Variants in OSBPL3 observed in about 807,000 individuals in gnomAD.
The protein encoded by OSBPL3 is oxysterol binding protein like 3.
OSBPL3 carries 65 observed loss-of-function variants against 120.1 expected under a neutral mutation model. The observed-to-expected ratio is 0.54, with a 90% CI of 0.44 to 0.67. The LOEUF (loss-of-function observed/expected upper bound fraction) is 0.67, where lower values mean the gene tolerates loss of function less well. Ranked by LOEUF, OSBPL3 falls within the 30% of genes least tolerant of loss-of-function variation. The pLI is 0.00. For missense variants in OSBPL3, 1,004 were observed against 1,082.1 expected, an observed-to-expected ratio of 0.93 and a Z score of 1.01; for synonymous variants, 416 against 402.6, an observed-to-expected ratio of 1.03 and a Z score of -0.40.
chr7:24,816,033 A>T (rs968578034), intron 18 of OSBPL3, among the ~76,000 whole-genome samples: 2 of 152,116 alleles, frequency 1.3e-5, no homozygotes, highest in African/African-American at 2.4e-5. Flanking sequence ...CACTTTTTTT[A>T]AAAAAATTGA....
Position 24,936,055 on chromosome 7 carries a change from T to TA in OSBPL3, c.-149-43435dup, listed in dbSNP as rs533658932. On this transcript the variant is annotated intron_variant, in intron 1 of 22. Transcript: ENST00000313367. This position sits in a 1 kb window ranked among gnomAD's most constrained non-coding sequence, Gnocchi z 4.2. ...CCCCTCCCCAGGAATCTTTTTTTTT[T>TA]ATCACCATTTAATTCATTCTTAAGA... Among the ~76,000 whole-genome samples, 105 of 146,072 alleles carry TA rather than the reference T, an allele frequency of 7.2e-4. No homozygotes were observed. The highest frequency in any genetic ancestry group is 1.9e-3 in the Admixed American group (27 of 14,498).
chr7:24,816,032 T>TA lies in OSBPL3; in HGVS notation c.2027+577dup, dbSNP rs1410436365. Among the ~76,000 whole-genome samples the TA allele has an allele frequency of 1.5e-4, 23 of 152,054 alleles. No individual in the cohort carries two copies. The East Asian group carries it at 3.7e-3, about 24-fold the overall frequency. On this transcript the variant is annotated intron_variant, in intron 18 of 22. Coordinates refer to ENST00000313367, the MANE Select transcript of OSBPL3 (RefSeq NM_015550.4). ...CATAATAAAGGAAAAACACTTTTTT[T>TA]AAAAAAATTGAGATAGGGTCTCACC...
At position 24,965,188 on chromosome 7, in the gene OSBPL3, G is replaced by C. The variant is rs1037101202; in HGVS notation, c.-150+14698C>G. 6.6e-6 allele frequency among the ~76,000 whole-genome samples: 1 copy of C among 152,128 alleles called. No individual in the cohort carries two copies. The highest frequency in any genetic ancestry group is 1.5e-5 in the Non-Finnish European group (1 of 68,008). The stretch of plus-strand genomic sequence containing the variant: ...AAGGATTCTACATCTCCCTAATTTT[G>C]TTTTGTCTCAAAATCATTTGAATAA... On this transcript the variant is annotated intron_variant, in intron 1 of 22. Transcript: ENST00000313367. This position sits in a 1 kb window ranked among gnomAD's most constrained non-coding sequence, Gnocchi z 4.3.
intron 1 of OSBPL3, among the ~76,000 whole-genome samples, chr7:24,956,393 A>G (rs763585282): frequency 2.0e-5 from 3 of 152,204 alleles, no homozygotes; most frequent in Non-Finnish European, 4.4e-5. Context: ...GAATACAGCT[A>G]ATTTTTAAAA....
chr7:24,902,219 C>T (rs1807129503), intron 1 of OSBPL3, among the ~76,000 whole-genome samples: 1 of 152,158 alleles, frequency 6.6e-6, no homozygotes, highest in Admixed American at 6.5e-5. Flanking sequence ...CACTATCCTG[C>T]ACAACATCAC....
Position 24,862,896 on chromosome 7 carries a change from C to T in OSBPL3, c.870+304G>A, listed in dbSNP as rs533429335. On this transcript the variant is annotated intron_variant, in intron 9 of 22. Coordinates refer to ENST00000313367, the MANE Select transcript of OSBPL3 (RefSeq NM_015550.4). The surrounding 1 kb of genome is among the most constrained non-coding windows in gnomAD (Gnocchi z 4.4). Reference sequence around the variant, plus strand: ...GCACAAACACAAGCAGGGAAGAGCACAGGCAGGCTCAACAGTGAAGGTGGG... The same window carrying T: ...GCACAAACACAAGCAGGGAAGAGCATAGGCAGGCTCAACAGTGAAGGTGGG... Among the ~76,000 whole-genome samples, 1 of 152,176 alleles carries T rather than the reference C, an allele frequency of 6.6e-6. No individual in the cohort carries two copies. Among genetic ancestry groups the T allele is most frequent in the South Asian group, 2.1e-4 (1 of 4,824 alleles).
rs149841804 is a variant in OSBPL3 at position 24,812,177 on chromosome 7, G to A, written c.2173-2226C>T. ...CAAAAATTAGCTGGCTGTGGTAGTG[G>A]GCACCTGTAATCCCAGCTACTTGGG... On this transcript the variant is annotated intron_variant, in intron 19 of 22. Coordinates refer to ENST00000313367, the MANE Select transcript of OSBPL3 (RefSeq NM_015550.4). Among the ~76,000 whole-genome samples the A allele has an allele frequency of 7.8e-3, 1,188 of 151,854 alleles. 21 individuals carry two copies. Among genetic ancestry groups the A allele is most frequent in the African/African-American group, 0.027 (1,120 of 41,366 alleles).
At chr7:24,810,559 AAACT>A (rs1192802852) in intron 19 of OSBPL3, among the ~76,000 whole-genome samples, 1 of 152,060 alleles carries the variant, frequency 6.6e-6, no homozygotes, top group African/African-American at 2.4e-5. Context: ...ACAAAAACAA[AAACT>A]CTCTCAGCAA....
Position 24,899,379 on chromosome 7 carries a change from A to G in OSBPL3, c.-149-6758T>C, listed in dbSNP as rs1806650766. ...GTGTTCTTACTGGGACTGTCAGGTC[A>G]TAGGGATTTCTGAGAAGTTGGGCTT... On this transcript the variant is annotated intron_variant, in intron 1 of 22. Coordinates refer to ENST00000313367, the MANE Select transcript of OSBPL3 (RefSeq NM_015550.4). The surrounding 1 kb of genome is among the most constrained non-coding windows in gnomAD (Gnocchi z 4.0). 6.6e-6 allele frequency among the ~76,000 whole-genome samples: 1 copy of G among 151,942 alleles called. No individual in the cohort carries two copies. The highest frequency in any genetic ancestry group is 2.4e-5 in the African/African-American group (1 of 41,398).
intron 12 of OSBPL3, among the ~76,000 whole-genome samples, chr7:24,842,685 C>T (rs1005445356): frequency 6.6e-6 from 1 of 152,184 alleles, no homozygotes; most frequent in African/African-American, 2.4e-5. Context: ...ACTCTTTGTT[C>T]CATTTAAAAG....
Position 24,863,462 on chromosome 7 carries a change from G to T in OSBPL3, c.777+34C>A. On this transcript the variant is annotated intron_variant, in intron 8 of 22. Coordinates refer to ENST00000313367, the MANE Select transcript of OSBPL3 (RefSeq NM_015550.4). The surrounding 1 kb of genome is among the most constrained non-coding windows in gnomAD (Gnocchi z 5.8). ...GGAGGAGAAAGGAAAGCAGAAGAGGGCCAGAATGTCAACAGAAGAGGAGTC... is the reference window on the plus strand; with the variant it reads ...GGAGGAGAAAGGAAAGCAGAAGAGGTCCAGAATGTCAACAGAAGAGGAGTC... 6.5e-7 allele frequency: 1 copy of T among 1,530,762 alleles called. No homozygotes were observed. The highest frequency in any genetic ancestry group is 9.1e-7 in the Non-Finnish European group (1 of 1,104,036). The allele number at this position is 1,530,762 out of a possible 1,614,324, so 94.8% of individuals were successfully genotyped here. A position where few individuals can be genotyped will look rare whatever the true frequency, so the allele number is the denominator to read the frequency against.
At chr7:24,809,074 C>G (rs1793429067) in intron 20 of OSBPL3, among the ~76,000 whole-genome samples, 2 of 152,114 alleles carry the variant, frequency 1.3e-5, no homozygotes, top group South Asian at 4.1e-4. Context: ...TGGAGCCACC[C>G]CCCCCACTCA....
At chr7:24,861,875 T>C (rs1800590141) in intron 9 of OSBPL3, 106 bp from the exon 10 acceptor site, 3 of 698,922 alleles carry the variant, frequency 4.3e-6, no homozygotes, top group Non-Finnish European at 6.6e-6. Flanking sequence ...AAACATTTTA[T>C]AGGTAGGTCT....
Position 24,830,916 on chromosome 7 carries a change from G to A in OSBPL3, c.1747-11C>T, listed in dbSNP as rs761356316. The A allele has an allele frequency of 6.3e-7, 1 of 1,585,448 alleles. No homozygotes were observed. The highest frequency in any genetic ancestry group is 8.5e-7 in the Non-Finnish European group (1 of 1,170,996). On this transcript the variant is annotated splice_polypyrimidine_tract_variant and intron_variant, in intron 15 of 22. Transcript: ENST00000313367. This position sits in a 1 kb window ranked among gnomAD's most constrained non-coding sequence, Gnocchi z 4.4. ...GGCTGCCACATATACCTAAGGACAA[G>A]AGAAAAGAACTTTGTCATTTCCGTG...
In OSBPL3 at chr7:24,863,153, A is replaced by G. The variant is rs771446457; in HGVS notation, c.870+47T>C. On this transcript the variant is annotated intron_variant, in intron 9 of 22. Transcript: ENST00000313367. This position sits in a 1 kb window ranked among gnomAD's most constrained non-coding sequence, Gnocchi z 5.8. ...GTAGCTGCTGGCACACGGCATGCAG[A>G]GCAGGGCCAATGAAGAAACCAGTCT... is the stretch of plus-strand genomic sequence containing the variant. The G allele has an allele frequency of 7.4e-7, 1 of 1,351,964 alleles. No homozygotes were observed. The highest frequency in any genetic ancestry group is 1.2e-5 in the South Asian group (1 of 85,758). The allele number at this position is 1,351,964 out of a possible 1,614,324, so 83.7% of individuals were successfully genotyped here.
intron 1 of OSBPL3, among the ~76,000 whole-genome samples, chr7:24,914,040 T>G (rs1411487889): frequency 6.6e-6 from 1 of 152,152 alleles, no homozygotes; most frequent in Non-Finnish European, 1.5e-5. Context: ...AATATTGCAG[T>G]GCAAAGATCT....
intron 1 of OSBPL3, among the ~76,000 whole-genome samples, chr7:24,904,440 T>C (rs1807553992): frequency 1.3e-5 from 2 of 152,182 alleles, no homozygotes; most frequent in Admixed American, 6.5e-5. Context: ...AATATACAGA[T>C]TTTAAAACAA....
chr7:24,834,818 G>A lies in OSBPL3; in HGVS notation c.1496-82C>T, dbSNP rs760163683. 8.4e-5 allele frequency: 103 copies of A among 1,228,400 alleles called. No individual in the cohort carries two copies. Among genetic ancestry groups the A allele is most frequent in the African/African-American group, 1.1e-4 (7 of 65,724 alleles). 76.1% of individuals were successfully genotyped at this position (1,228,400 alleles called of 1,614,324 possible). A position where few individuals can be genotyped will look rare whatever the true frequency, so the allele number is the denominator to read the frequency against. On this transcript the variant is annotated intron_variant, in intron 14 of 22. Transcript: ENST00000313367. The surrounding 1 kb of genome is among the most constrained non-coding windows in gnomAD (Gnocchi z 5.2). ...TTTTAATCCACGAATAAAACCTTACGTAGCAAGTAGTCAATGTTACTATTA... is the reference window on the plus strand; with the variant it reads ...TTTTAATCCACGAATAAAACCTTACATAGCAAGTAGTCAATGTTACTATTA...
In OSBPL3 at chr7:24,815,277, T is replaced by C. The variant is rs1300955040; in HGVS notation, c.2028-74A>G. 4.9e-6 allele frequency: 6 copies of C among 1,221,674 alleles called. No homozygotes were observed. Among genetic ancestry groups the C allele is most frequent in the East Asian group, 2.3e-5 (1 of 43,010 alleles). The allele number at this position is 1,221,674 out of a possible 1,614,324, so 75.7% of individuals were successfully genotyped here. On this transcript the variant is annotated intron_variant, in intron 18 of 22. Coordinates refer to ENST00000313367, the MANE Select transcript of OSBPL3 (RefSeq NM_015550.4). This position sits in a 1 kb window ranked among gnomAD's most constrained non-coding sequence, Gnocchi z 5.1. ...GCAAATGCAAACAAACTCTGCTCTT[T>C]TATAAAATAAGTCATGCAATGCATT...
Sources: allele counts gnomAD v4.1 joint callset (sites outside exome capture counted in the v4.1 genomes callset), GRCh38; gene constraint gnomAD v4.1.1; non-coding constraint Gnocchi (gnomAD v3.1); transcripts MANE v1.5; gene names NCBI Gene and HGNC (gene_info 2026-07-23, HGNC 2026-07-21).